Variants in CCDC148 observed in about 807,000 individuals in gnomAD.
CCDC148 encodes coiled-coil domain containing 148.
Under a neutral mutation model 85.7 loss-of-function variants are expected in CCDC148, and 89 were observed. The observed-to-expected ratio is 1.04, with a 90% CI of 0.87 to 1.24. CCDC148 has a LOEUF of 1.24. Among genes scored for constraint, CCDC148 ranks in the 50% most tolerant of loss-of-function variants. CCDC148 has a pLI of 0.00. For synonymous variants in CCDC148, 230 were observed against 213.9 expected, an observed-to-expected ratio of 1.08 and a Z score of -0.66; for missense variants, 692 against 671.7, an observed-to-expected ratio of 1.03 and a Z score of -0.33.
chr2:158,190,087 A>G (rs1413208465), intron 11 of CCDC148, among the ~76,000 whole-genome samples: 1 of 151,936 alleles, frequency 6.6e-6, no homozygotes, highest in Admixed American at 6.6e-5. Flanking sequence ...TCTTTGTAAG[A>G]TATTTAATCA....
chr2:158,186,602 C>T (rs144616309), intron 11 of CCDC148, among the ~76,000 whole-genome samples: 7 of 152,008 alleles, frequency 4.6e-5, no homozygotes, highest in African/African-American at 1.2e-4. Context: ...TTATTCAAAT[C>T]GGGTAGAGGG....
At chr2:158,240,126 TGA>T (rs915971336) in intron 10 of CCDC148, among the ~76,000 whole-genome samples, 4 of 151,818 alleles carry the variant, frequency 2.6e-5, no homozygotes, top group African/African-American at 9.7e-5. Flanking sequence ...ATGCTTGCTG[TGA>T]GAGATCTCGG....
chr2:158,239,290 C>T (rs113992519), intron 10 of CCDC148, among the ~76,000 whole-genome samples: 5 of 139,798 alleles, frequency 3.6e-5, no homozygotes, highest in East Asian at 4.0e-4. Flanking sequence ...TCCAGGCTTT[C>T]TCTCTCTCTC....
At chr2:158,308,354 C>A (rs1003048069) in intron 9 of CCDC148, among the ~76,000 whole-genome samples, 1 of 152,156 alleles carries the variant, frequency 6.6e-6, no homozygotes, top group Non-Finnish European at 1.5e-5. Flanking sequence ...TTCTTATCAG[C>A]CTGAAGATGG....
chr2:158,326,412 T>C (rs1234628964), intron 7 of CCDC148, among the ~76,000 whole-genome samples: 1 of 152,212 alleles, frequency 6.6e-6, no homozygotes, highest in African/African-American at 2.4e-5. Flanking sequence ...CTGTGTATAA[T>C]ATACTTATGT....
intron 1 of CCDC148, among the ~76,000 whole-genome samples, chr2:158,430,741 T>C (rs1439933471): frequency 2.6e-5 from 4 of 152,116 alleles, no homozygotes; most frequent in Non-Finnish European, 5.9e-5. Context: ...CTATTATGTA[T>C]GAATTTTAAA....
At chr2:158,314,042 TTTCAGAAAAGC>T (rs148017377) in intron 7 of CCDC148, 148 bp from the exon 8 acceptor site, 18,071 of 695,758 alleles carry the variant, frequency 0.026, 774 homozygotes, top group African/African-American at 0.15. Context: ...TTAATGTCTG[TTTCAGAAAAGC>T]TTCTAAATTC....
intron 9 of CCDC148, among the ~76,000 whole-genome samples, chr2:158,274,923 A>T (rs1259421593): frequency 6.6e-6 from 1 of 152,256 alleles, no homozygotes; most frequent in African/African-American, 2.4e-5. Flanking sequence ...AAGCAAAGAT[A>T]AAAGGATTTC....
At chr2:158,441,233 CTA>C (rs1251815958) in intron 1 of CCDC148, among the ~76,000 whole-genome samples, 1 of 152,060 alleles carries the variant, frequency 6.6e-6, no homozygotes, top group Non-Finnish European at 1.5e-5. Flanking sequence ...TTTGGACAAA[CTA>C]GAGAGATTTC....
intron 10 of CCDC148, among the ~76,000 whole-genome samples, chr2:158,238,954 CT>C (rs1688229555): frequency 6.6e-6 from 1 of 152,136 alleles, no homozygotes; most frequent in Non-Finnish European, 1.5e-5. Context: ...GGTTCAAATC[CT>C]TACTGCACAC....
At chr2:158,417,772 G>A (rs1394755470) in intron 1 of CCDC148, among the ~76,000 whole-genome samples, 1 of 152,124 alleles carries the variant, frequency 6.6e-6, no homozygotes, top group Non-Finnish European at 1.5e-5. Context: ...AATCACAGGT[G>A]TGTAAAACAT....
chr2:158,345,906 C>CA (rs1288649176), intron 2 of CCDC148, among the ~76,000 whole-genome samples: 1 of 152,126 alleles, frequency 6.6e-6, no homozygotes, highest in African/African-American at 2.4e-5. Context: ...ACCTTGAACA[C>CA]ACAATTTTAG....
At position 158,309,435 on chromosome 2, in the gene CCDC148, T is replaced by G. The variant is rs572863897; in HGVS notation, c.1108A>C (p.Lys370Gln). 198 of 1,612,796 alleles carry G rather than the reference T, an allele frequency of 1.2e-4. 1 individual carries two copies. The South Asian group carries it at 2.1e-3, about 17-fold the overall frequency. The change falls in exon 9 of 14, where the codon AAG (lysine) becomes CAG (glutamine). Residue 370 changes from lysine (K) to glutamine (Q), a missense_variant and splice_region_variant. Coordinates refer to ENST00000283233, the MANE Select transcript of CCDC148 (RefSeq NM_138803.4). Reference sequence around the variant, plus strand: ...GAAACACCTGTGCAGCATCTTACCTTGGCTTTCAGATCAGCACACAATTCC... The same window carrying G: ...GAAACACCTGTGCAGCATCTTACCTGGGCTTTCAGATCAGCACACAATTCC... Reference protein sequence around the residue: ...QQELCADLKAKVRQWRAHQEE... With the variant: ...QQELCADLKAQVRQWRAHQEE...
rs1687116761 is a variant in CCDC148 at position 158,220,490 on chromosome 2, C to T, written c.1370+105G>A. ...TGTGAATATAAATATTGAAAGGATA[C>T]ATTAAGTATAGAAAAAAGTTCCCTC... On this transcript the variant is annotated intron_variant, in intron 11 of 13. Transcript: ENST00000283233. 35 of 714,970 alleles carry T rather than the reference C, an allele frequency of 4.9e-5. 1 individual carries two copies. In the South Asian group the frequency reaches 5.6e-4, roughly 11 times the overall value. The allele number at this position is 714,970 out of a possible 1,614,324, so 44.3% of individuals were successfully genotyped here.
chr2:158,204,230 A>C (rs1686114415), intron 11 of CCDC148, among the ~76,000 whole-genome samples: 1 of 152,256 alleles, frequency 6.6e-6, no homozygotes, highest in African/African-American at 2.4e-5. Context: ...TTACAATACA[A>C]AATGAGCGTT....
intron 7 of CCDC148, among the ~76,000 whole-genome samples, chr2:158,317,183 C>A (rs527610816): frequency 1.3e-5 from 2 of 152,206 alleles, no homozygotes; most frequent in East Asian, 1.9e-4. Context: ...TTTAAAGTGT[C>A]CTAAGCTTTT....
intron 9 of CCDC148, among the ~76,000 whole-genome samples, chr2:158,255,227 T>G (rs1688963325): frequency 6.6e-6 from 1 of 151,460 alleles, no homozygotes; most frequent in Non-Finnish European, 1.5e-5. Flanking sequence ...ATGGGGATGG[T>G]CAGGGACCCG....
chr2:158,380,042 C>G (rs139322468), intron 1 of CCDC148, among the ~76,000 whole-genome samples: 2 of 152,222 alleles, frequency 1.3e-5, no homozygotes, highest in East Asian at 3.9e-4. Context: ...CCTACTTCAG[C>G]CTCTTGAGTA....
chr2:158,262,757 C>T (rs1048259979), intron 9 of CCDC148, among the ~76,000 whole-genome samples: 18 of 151,808 alleles, frequency 1.2e-4, no homozygotes, highest in African/African-American at 3.6e-4. Context: ...TGGAGAAAGC[C>T]GCCCCCATGA....
Sources: gnomAD v4.1 joint callset for allele counts (sites outside exome capture counted in the v4.1 genomes callset) on GRCh38, gnomAD v4.1.1 for gene constraint, MANE v1.5 for transcripts, NCBI Gene and HGNC (gene_info 2026-07-23, HGNC 2026-07-21) for gene names.